NRF1: variants seen among roughly 807,000 people sequenced by gnomAD.
NRF1 encodes the protein nuclear respiratory factor 1.
Under a neutral mutation model 58.5 loss-of-function variants are expected in NRF1, and 5 were observed. The observed-to-expected ratio is 0.09, with a 90% CI of 0.04 to 0.18. The LOEUF (loss-of-function observed/expected upper bound fraction) is 0.18, where lower values mean the gene tolerates loss of function less well. NRF1 is among the 10% of genes least tolerant of loss of function. The probability of loss-of-function intolerance (pLI) is 1.00; values close to 1 mark genes in which losing one functional copy is unlikely to be tolerated. For synonymous variants in NRF1, 224 were observed against 246.7 expected (o/e 0.91, Z 0.86); for missense variants, 288 against 657.7 (o/e 0.44, Z 6.15).
At chr7:129,751,178 T>C (rs1804107128) in intron 10 of NRF1, among the ~76,000 whole-genome samples, 1 of 152,184 alleles carries the variant, frequency 6.6e-6, no homozygotes, top group South Asian at 2.1e-4. Flanking sequence ...AGGTGTGTGC[T>C]TGGAGAACCT....
At chr7:129,707,917 GAATGATAAGAATACCTGATATTTA>G in intron 5 of NRF1, among the ~76,000 whole-genome samples, 1 of 152,196 alleles carries the variant, frequency 6.6e-6, no homozygotes, top group East Asian at 1.9e-4. Flanking sequence ...TTTATTATAA[GAATGATAAGAATACCTGATATTTA>G]TAGAAATCTT....
chr7:129,703,664 A>G (rs1802886218), intron 5 of NRF1, among the ~76,000 whole-genome samples: 1 of 152,206 alleles, frequency 6.6e-6, no homozygotes, highest in Non-Finnish European at 1.5e-5. Context: ...ACACCTGAAA[A>G]ACAAACTCTT....
chr7:129,675,451 G>C (rs1802154384), intron 3 of NRF1, among the ~76,000 whole-genome samples: 1 of 152,180 alleles, frequency 6.6e-6, no homozygotes, highest in Non-Finnish European at 1.5e-5. Context: ...ATTTTACCCA[G>C]ATCCATCAGA....
chr7:129,744,293 T>A, intron 10 of NRF1: 1 of 1,409,020 alleles, frequency 7.1e-7, no homozygotes, highest in South Asian at 1.2e-5. Context: ...AGGCTGTCAT[T>A]CCAGGCGCTG....
At chr7:129,752,691 A>T (rs1342797979) in intron 10 of NRF1, among the ~76,000 whole-genome samples, 4 of 152,140 alleles carry the variant, frequency 2.6e-5, no homozygotes, top group East Asian at 1.9e-4. Flanking sequence ...GTCACTATTT[A>T]AAAAAATAAA....
At chr7:129,731,320 T>G (rs905976833) in intron 10 of NRF1, among the ~76,000 whole-genome samples, 33 of 150,692 alleles carry the variant, frequency 2.2e-4, no homozygotes, top group African/African-American at 7.3e-4. Flanking sequence ...GAAGTTTAAA[T>G]TTTGGATCAC....
At chr7:129,747,540 A>C (rs10244147) in intron 10 of NRF1, among the ~76,000 whole-genome samples, 52,718 of 152,088 alleles carry the variant, frequency 0.35, 9,230 homozygotes, top group Middle Eastern at 0.45. Context: ...TTTGAAAAGC[A>C]GTGGCATTTA....
intron 10 of NRF1, among the ~76,000 whole-genome samples, chr7:129,740,434 C>T (rs1209137359): frequency 2.6e-5 from 4 of 152,308 alleles, no homozygotes; most frequent in South Asian, 2.1e-4. Context: ...AGTCTTCATT[C>T]GCAGAGAGGT....
chr7:129,652,858 CT>C (rs1377999781), intron 1 of NRF1, among the ~76,000 whole-genome samples: 1 of 152,170 alleles, frequency 6.6e-6, no homozygotes, highest in Non-Finnish European at 1.5e-5. Context: ...TCCCAAAGTG[CT>C]GGGATTACAG....
In NRF1 at chr7:129,756,663, G is replaced by GTGA. The variant is rs1237858091; in HGVS notation, c.*1485_*1487dup. The GTGA allele has an allele frequency of 6.6e-6, 1 of 152,668 alleles. No homozygotes were observed. The highest frequency in any genetic ancestry group is 1.9e-4 in the East Asian group (1 of 5,202). The allele number at this position is 152,668 out of a possible 1,614,324, so 9.5% of individuals were successfully genotyped here. Reference sequence around the variant, plus strand: ...CCTCCTCCCAGCTCTCCCCATGTGTGTGATGGTGTATTTAATGTGTTTTTT... The same window carrying GTGA: ...CCTCCTCCCAGCTCTCCCCATGTGTGTGATGATGGTGTATTTAATGTGTTTTTT... On this transcript the variant is annotated 3_prime_UTR_variant, in exon 11 of 11. Transcript: ENST00000393232.
intron 9 of NRF1, among the ~76,000 whole-genome samples, chr7:129,719,393 A>G (rs1803264228): frequency 6.6e-6 from 1 of 152,074 alleles, no homozygotes; most frequent in Non-Finnish European, 1.5e-5. Flanking sequence ...CAGCCTCCCA[A>G]AGTGCTGGGA....
intron 1 of NRF1, among the ~76,000 whole-genome samples, chr7:129,649,990 CA>C (rs1801500170): frequency 6.6e-6 from 1 of 152,062 alleles, no homozygotes; most frequent in South Asian, 2.1e-4. Flanking sequence ...TGGACATAAG[CA>C]ATCCTCCCAC....
At chr7:129,739,541 T>TA (rs56277880) in intron 10 of NRF1, among the ~76,000 whole-genome samples, 20,148 of 144,924 alleles carry the variant, frequency 0.14, 1,646 homozygotes, top group Admixed American at 0.24. Context: ...GCTTTGCTTT[T>TA]AAAAAAAAAA....
intron 5 of NRF1, among the ~76,000 whole-genome samples, chr7:129,705,204 T>G (rs560941238): frequency 1.1e-4 from 17 of 152,270 alleles, no homozygotes; most frequent in African/African-American, 3.4e-4. Flanking sequence ...TCATTGACCT[T>G]GTATATTTGC....
At chr7:129,663,863 G>A (rs556945166) in intron 2 of NRF1, among the ~76,000 whole-genome samples, 245 of 152,316 alleles carry the variant, frequency 1.6e-3, no homozygotes, top group African/African-American at 5.5e-3. Flanking sequence ...GCGAGACTCC[G>A]TCTGCAATCC....
At chr7:129,664,577 T>A (rs2151079792) in intron 2 of NRF1, among the ~76,000 whole-genome samples, 1 of 152,346 alleles carries the variant, frequency 6.6e-6, no homozygotes, top group Admixed American at 6.5e-5. Context: ...TGTGAAATGC[T>A]TATGTGTCCC....
At chr7:129,629,865 C>T (rs943990185) in intron 1 of NRF1, among the ~76,000 whole-genome samples, 7 of 152,160 alleles carry the variant, frequency 4.6e-5, no homozygotes, top group Non-Finnish European at 1.0e-4. Context: ...TGCTAAGTGT[C>T]AGTAGTTTTA....
intron 9 of NRF1, among the ~76,000 whole-genome samples, chr7:129,718,020 T>C (rs770880615): frequency 1.3e-5 from 2 of 152,218 alleles, no homozygotes; most frequent in African/African-American, 2.4e-5. Context: ...TTTTGGATTA[T>C]TGGGGAAAAT....
intron 5 of NRF1, among the ~76,000 whole-genome samples, chr7:129,707,712 T>G (rs1210988876): frequency 2.6e-5 from 4 of 152,068 alleles, no homozygotes; most frequent in Non-Finnish European, 4.4e-5. Context: ...ATGGAGTGTA[T>G]TATATCATAT....
Sources: gnomAD v4.1 joint callset for allele counts (sites outside exome capture counted in the v4.1 genomes callset) on GRCh38, gnomAD v4.1.1 for gene constraint, MANE v1.5 for transcripts, NCBI Gene and HGNC (gene_info 2026-07-23, HGNC 2026-07-21) for gene names.